NKAIN2: variants seen among roughly 807,000 people sequenced by gnomAD.
NKAIN2 encodes sodium/potassium-transporting ATPase subunit beta-1-interacting protein 2.
NKAIN2 carries 14 observed loss-of-function variants against 32.6 expected under a neutral mutation model. The ratio of observed to expected loss-of-function variants is 0.43; its 90% CI spans 0.28 to 0.67. The LOEUF (loss-of-function observed/expected upper bound fraction) is 0.67. Ranked by LOEUF, NKAIN2 falls within the 30% of genes least tolerant of loss-of-function variation. NKAIN2 has a pLI of 0.17. For synonymous variants in NKAIN2, 80 were observed against 87.2 expected, an observed-to-expected ratio of 0.92 and a Z score of 0.46; for missense variants, 198 against 258.3, an observed-to-expected ratio of 0.77 and a Z score of 1.60.
At chr6:124,158,600 A>C (rs986967779) in intron 1 of NKAIN2, among the ~76,000 whole-genome samples, 5 of 152,290 alleles carry the variant, frequency 3.3e-5, no homozygotes, top group Middle Eastern at 3.4e-3. Flanking sequence ...AAATGATGAC[A>C]TTCACTATTT....
chr6:124,546,571 A>T (rs1011490854), intron 3 of NKAIN2, among the ~76,000 whole-genome samples: 9 of 151,482 alleles, frequency 5.9e-5, no homozygotes, highest in African/African-American at 1.9e-4. Flanking sequence ...AAATAGATTT[A>T]TATATATATA....
In NKAIN2 at chr6:124,555,498, A is replaced by T. The variant is rs141047324; in HGVS notation, c.274-102688A>T. Reference sequence around the variant, plus strand: ...CTCACTCTTAGTATGAAAATAGATGATTAAAACAATTAGAATATCATGTTC... The same window carrying T: ...CTCACTCTTAGTATGAAAATAGATGTTTAAAACAATTAGAATATCATGTTC... On this transcript the variant is annotated intron_variant, in intron 3 of 6. Coordinates refer to ENST00000368417, the MANE Select transcript of NKAIN2 (RefSeq NM_001040214.3). Among the ~76,000 whole-genome samples, 141 of 152,330 alleles carry T rather than the reference A, an allele frequency of 9.3e-4. 1 individual carries two copies. Among genetic ancestry groups the T allele is most frequent in the Non-Finnish European group, 1.6e-3 (111 of 68,034 alleles).
chr6:124,610,936 C>T (rs1782666509), intron 3 of NKAIN2, among the ~76,000 whole-genome samples: 1 of 152,102 alleles, frequency 6.6e-6, no homozygotes, highest in Admixed American at 6.5e-5. Flanking sequence ...CATCATTATC[C>T]TATTCTAGTA....
chr6:124,646,111 A>G (rs1317253276), intron 3 of NKAIN2, among the ~76,000 whole-genome samples: 1 of 152,196 alleles, frequency 6.6e-6, no homozygotes, highest in Non-Finnish European at 1.5e-5. Context: ...AATTGTTTTT[A>G]ATATTTACTT....
intron 1 of NKAIN2, among the ~76,000 whole-genome samples, chr6:124,223,837 A>G (rs1029342819): frequency 1.3e-5 from 2 of 152,180 alleles, no homozygotes; most frequent in Non-Finnish European, 2.9e-5. Flanking sequence ...CTATTGCTAC[A>G]TGACAAAGAC....
intron 1 of NKAIN2, among the ~76,000 whole-genome samples, chr6:124,163,621 T>C (rs1469854777): frequency 6.6e-6 from 1 of 152,070 alleles, no homozygotes; most frequent in Non-Finnish European, 1.5e-5. Flanking sequence ...GCATTCTTAC[T>C]TAATCGCATA....
At chr6:124,797,253 C>G (rs935174916) in intron 5 of NKAIN2, among the ~76,000 whole-genome samples, 7 of 150,166 alleles carry the variant, frequency 4.7e-5, no homozygotes, top group Admixed American at 1.3e-4. Flanking sequence ...TTGTAAATCA[C>G]TGGCTTAATA....
chr6:124,470,722 A>T (rs894460713), intron 3 of NKAIN2, among the ~76,000 whole-genome samples: 43 of 152,288 alleles, frequency 2.8e-4, no homozygotes, highest in Non-Finnish European at 1.9e-4. Flanking sequence ...ATAGCAAATG[A>T]TCTCATATAT....
intron 3 of NKAIN2, among the ~76,000 whole-genome samples, chr6:124,564,190 C>T (rs572467196): frequency 2.6e-5 from 4 of 152,246 alleles, no homozygotes; most frequent in South Asian, 4.1e-4. Context: ...ATTGTAAACA[C>T]GCCAATCAGC....
chr6:124,428,941 G>A (rs1583237156), intron 3 of NKAIN2, among the ~76,000 whole-genome samples: 1 of 152,244 alleles, frequency 6.6e-6, no homozygotes. Context: ...CACGGGACAT[G>A]GCTGTATCTG....
chr6:123,888,898 C>T (rs1314048241), intron 1 of NKAIN2, among the ~76,000 whole-genome samples: 2 of 152,066 alleles, frequency 1.3e-5, no homozygotes, highest in Non-Finnish European at 2.9e-5. Context: ...GTCATGCAGG[C>T]TTCATTCTTG....
At chr6:124,798,104 T>A (rs1407559632) in intron 5 of NKAIN2, among the ~76,000 whole-genome samples, 2 of 147,506 alleles carry the variant, frequency 1.4e-5, no homozygotes, top group African/African-American at 5.1e-5. Flanking sequence ...TCTATCTATC[T>A]ATCATCTAAC....
intron 3 of NKAIN2, among the ~76,000 whole-genome samples, chr6:124,563,307 A>G (rs906263480): frequency 1.3e-5 from 2 of 152,216 alleles, no homozygotes; most frequent in Admixed American, 6.5e-5. Context: ...ATTTTTGAAC[A>G]TTAGTATTAT....
At chr6:123,824,138 T>G (rs1240987432) in intron 1 of NKAIN2, among the ~76,000 whole-genome samples, 1 of 152,140 alleles carries the variant, frequency 6.6e-6, no homozygotes, top group Non-Finnish European at 1.5e-5. Context: ...TTTGACAATC[T>G]TATTATATAT....
At chr6:123,864,638 A>ACCAT (rs1775912604) in intron 1 of NKAIN2, among the ~76,000 whole-genome samples, 3 of 152,198 alleles carry the variant, frequency 2.0e-5, no homozygotes, top group Admixed American at 2.0e-4. Flanking sequence ...GAGCGAGGGA[A>ACCAT]CCATGTAGAT....
intron 3 of NKAIN2, among the ~76,000 whole-genome samples, chr6:124,449,067 CAT>C (rs1450388430): frequency 2.6e-5 from 4 of 152,074 alleles, no homozygotes; most frequent in African/African-American, 9.7e-5. Flanking sequence ...GCCACACAAA[CAT>C]ATAGAGAATT....
rs974031485 is a variant in NKAIN2, at chr6:124,028,757, A to G, written c.54+224503A>G. Among the ~76,000 whole-genome samples the G allele has an allele frequency of 1.4e-4, 20 of 139,444 alleles. No individual in the cohort carries two copies. In the East Asian group the frequency reaches 3.2e-3, roughly 22 times the overall value. 91.5% of individuals were successfully genotyped at this position (139,444 alleles called of 152,430 possible). A position where few individuals can be genotyped will look rare whatever the true frequency, so the allele number is the denominator to read the frequency against. Reference sequence around the variant, plus strand: ...TACACGTATATATGTGTATATATACAAGTATATAAGTGTATATACATATAT... The same window carrying G: ...TACACGTATATATGTGTATATATACGAGTATATAAGTGTATATACATATAT... On this transcript the variant is annotated intron_variant, in intron 1 of 6. Transcript: ENST00000368417.
At chr6:124,313,072 C>T (rs1019838326) in intron 2 of NKAIN2, among the ~76,000 whole-genome samples, 1 of 152,016 alleles carries the variant, frequency 6.6e-6, no homozygotes, top group Non-Finnish European at 1.5e-5. Context: ...GGAAAAAAAA[C>T]CATTTATACA....
chr6:124,523,241 A>G (rs909408869), intron 3 of NKAIN2, among the ~76,000 whole-genome samples: 5 of 152,136 alleles, frequency 3.3e-5, no homozygotes, highest in Non-Finnish European at 2.9e-5. Flanking sequence ...CAGCTTCTAT[A>G]CCATGAGTTC....
Sources: gnomAD v4.1 joint callset for allele counts (sites outside exome capture counted in the v4.1 genomes callset) on GRCh38, gnomAD v4.1.1 for gene constraint, MANE v1.5 for transcripts, NCBI Gene and HGNC (gene_info 2026-07-23, HGNC 2026-07-21) for gene names.